Variants in TG observed in about 807,000 individuals in gnomAD.
TG encodes thyroid hormones.
Under a neutral mutation model 324.7 loss-of-function variants are expected in TG, and 270 were observed. That is an observed-to-expected ratio of 0.83 (90% CI 0.75 to 0.92). The LOEUF is 0.92. Among genes scored for constraint, TG ranks in the 40% least tolerant of loss-of-function variants. The probability of loss-of-function intolerance (pLI) is 0.00; values close to 1 mark genes in which losing one functional copy is unlikely to be tolerated. For missense variants in TG, 3,591 were observed against 3,456.4 expected, an observed-to-expected ratio of 1.04 and a Z score of -0.98; for synonymous variants, 1,401 against 1,327.0, an observed-to-expected ratio of 1.06 and a Z score of -1.21.
intron 41 of TG, among the ~76,000 whole-genome samples, chr8:133,067,797 AAAGAAAGAAAGAAAGG>A (rs1443858468): frequency 2.0e-5 from 3 of 147,418 alleles, no homozygotes; most frequent in Admixed American, 1.4e-4. Context: ...AAAGAAAAAG[AAAGAAAGAAAGAAAGG>A]AAGGAAGGAA....
At chr8:133,047,788 T>A in intron 41 of TG, 5 of 1,104,286 alleles carry the variant, frequency 4.5e-6, no homozygotes, top group Non-Finnish European at 7.0e-6. Context: ...AAAACATGCT[T>A]GTCTGCCCCG....
At chr8:132,967,602 C>T (rs1309700026) in intron 30 of TG, among the ~76,000 whole-genome samples, 192 bp from the exon 31 acceptor site, 2 of 152,138 alleles carry the variant, frequency 1.3e-5, no homozygotes, top group Non-Finnish European at 2.9e-5. Flanking sequence ...GCACACGGCC[C>T]CCTCCCCAGC....
Position 132,971,690 on chromosome 8 carries a change from A to T in TG, c.5976-104A>T, listed in dbSNP as rs1019569789. The T allele has an allele frequency of 1.5e-5, 12 of 805,118 alleles. No individual in the cohort carries two copies. In the South Asian group the frequency reaches 1.7e-4, roughly 11 times the overall value. The allele number at this position is 805,118 out of a possible 1,614,324, so 49.9% of individuals were successfully genotyped here. A position where few individuals can be genotyped will look rare whatever the true frequency, so the allele number is the denominator to read the frequency against. Reference sequence around the variant, plus strand: ...CCCAGTTTAAGTAGGGGGTAAAAAAATAAGCTAGTTCCCCAAAGCAAGAAT... The same window carrying T: ...CCCAGTTTAAGTAGGGGGTAAAAAATTAAGCTAGTTCCCCAAAGCAAGAAT... On this transcript the variant is annotated intron_variant, in intron 32 of 47. Coordinates refer to ENST00000220616, the MANE Select transcript of TG (RefSeq NM_003235.5).
At chr8:133,019,006 T>G (rs1342689564) in intron 38 of TG, among the ~76,000 whole-genome samples, 1 of 152,250 alleles carries the variant, frequency 6.6e-6, no homozygotes, top group Non-Finnish European at 1.5e-5. Flanking sequence ...CATGTTAGGA[T>G]GTACCCATTT....
intron 34 of TG, among the ~76,000 whole-genome samples, chr8:132,973,543 A>G (rs1192116023): frequency 2.6e-5 from 4 of 152,194 alleles, no homozygotes; most frequent in East Asian, 1.9e-4. Context: ...CAACTCTGCC[A>G]TCTACTTACT....
intron 43 of TG, among the ~76,000 whole-genome samples, chr8:133,105,384 C>T (rs1476668733): frequency 2.0e-5 from 3 of 152,124 alleles, no homozygotes; most frequent in Middle Eastern, 3.4e-3. Flanking sequence ...GGATGAAGAT[C>T]GTAGGCACAG....
chr8:133,005,121 T>C (rs2130854392), intron 35 of TG, among the ~76,000 whole-genome samples: 1 of 152,316 alleles, frequency 6.6e-6, no homozygotes, highest in African/African-American at 2.4e-5. Flanking sequence ...GCTAAGCTCG[T>C]GAAACCTTGA....
chr8:132,922,885 G>T (rs1821309788), intron 21 of TG, among the ~76,000 whole-genome samples: 1 of 152,162 alleles, frequency 6.6e-6, no homozygotes, highest in Non-Finnish European at 1.5e-5. Context: ...ACTGGGCACT[G>T]GGTTTCCACA....
At chr8:133,015,829 A>G (rs1834976522) in intron 37 of TG, among the ~76,000 whole-genome samples, 1 of 152,270 alleles carries the variant, frequency 6.6e-6, no homozygotes, top group Admixed American at 6.5e-5. Flanking sequence ...ATTAAAAAAC[A>G]GCAACTGTTC....
intron 41 of TG, among the ~76,000 whole-genome samples, chr8:133,092,638 G>A (rs1481081406): frequency 6.6e-6 from 1 of 152,156 alleles, no homozygotes; most frequent in African/African-American, 2.4e-5. Flanking sequence ...CATCACAGAT[G>A]GTCACTTGCC....
Position 132,887,212 on chromosome 8 carries a change from A to C in TG, c.1840A>C (p.Arg614=), listed in dbSNP as rs1008922171. 11 of 1,611,948 alleles carry C rather than the reference A, an allele frequency of 6.8e-6. No individual in the cohort carries two copies. In the Admixed American group the frequency reaches 1.0e-4, roughly 15 times the overall value. The change falls in exon 9 of 48, where the codon AGG becomes CGG. Residue 614 remains arginine, a synonymous_variant. Transcript: ENST00000220616. ...SSQTCEQTPE[R]LFVPSCTTEG... ...CCAGACCTGTGAGCAGACACCTGAA[A>C]GGCTATTTGTCCCATCATGCACGAC...
At chr8:132,898,673 C>T (rs1817481637) in intron 13 of TG, 125 bp from the exon 14 acceptor site, 1 of 775,988 alleles carries the variant, frequency 1.3e-6, no homozygotes, top group South Asian at 1.5e-5. Flanking sequence ...AGAGATTCTA[C>T]CTCTCTATGA....
intron 41 of TG, among the ~76,000 whole-genome samples, chr8:133,046,747 T>C (rs1839487264): frequency 6.6e-6 from 1 of 151,728 alleles, no homozygotes; most frequent in South Asian, 2.1e-4. Context: ...TGCTTTTGCA[T>C]TGATCTTTCT....
At chr8:133,124,541 A>T (rs2958694) in intron 45 of TG, among the ~76,000 whole-genome samples, 116,402 of 152,100 alleles carry the variant, frequency 0.77, 45,611 homozygotes, top group African/African-American at 0.91. Flanking sequence ...TTTAAACAAA[A>T]CCCTTTACCT....
At chr8:132,961,999 G>T (rs543829365) in intron 28 of TG, among the ~76,000 whole-genome samples, 1 of 152,074 alleles carries the variant, frequency 6.6e-6, no homozygotes, top group East Asian at 1.9e-4. Context: ...CATGGGTAAC[G>T]TGCGATACAG....
intron 26 of TG, among the ~76,000 whole-genome samples, chr8:132,947,947 A>G (rs1456817289): frequency 6.6e-6 from 1 of 152,224 alleles, no homozygotes; most frequent in Admixed American, 6.5e-5. Flanking sequence ...TTCTGATGCT[A>G]AACAAAGTCA....
At chr8:132,906,330 G>T (rs1563936984) in intron 16 of TG, among the ~76,000 whole-genome samples, 2 of 152,096 alleles carry the variant, frequency 1.3e-5, no homozygotes, top group South Asian at 2.1e-4. Flanking sequence ...TGAGGCAGGG[G>T]TGGCAGATAC....
At chr8:133,025,995 G>T (rs968530728) in intron 40 of TG, among the ~76,000 whole-genome samples, 3 of 152,170 alleles carry the variant, frequency 2.0e-5, no homozygotes, top group Admixed American at 6.5e-5. Context: ...GAGATGAAGT[G>T]TGTGAGGACA....
chr8:132,909,449 G>T (rs1173585734), intron 18 of TG, among the ~76,000 whole-genome samples: 1 of 152,204 alleles, frequency 6.6e-6, no homozygotes, highest in Non-Finnish European at 1.5e-5. Context: ...GGGGACTAGA[G>T]AGCTGAGGAC....
Sources: allele counts gnomAD v4.1 joint callset (sites outside exome capture counted in the v4.1 genomes callset), GRCh38; gene constraint gnomAD v4.1.1; transcripts MANE v1.5; gene names NCBI Gene and HGNC (gene_info 2026-07-23, HGNC 2026-07-21).